The following GRAMD4 variants were observed in gnomAD, a reference collection of about 807,000 sequenced individuals.
GRAMD4 encodes the protein GRAM domain-containing protein 4.
A neutral mutation model predicts 83.9 loss-of-function variants in GRAMD4; 25 were observed. That is an observed-to-expected ratio of 0.30 (90% CI 0.22 to 0.42). The LOEUF (loss-of-function observed/expected upper bound fraction) is 0.42, where lower values mean the gene tolerates loss of function less well. Ranked by LOEUF, GRAMD4 falls within the 10% of genes least tolerant of loss-of-function variation. The pLI is 1.00. For synonymous variants in GRAMD4, 336 were observed against 320.9 expected, an observed-to-expected ratio of 1.05 and a Z score of -0.50; for missense variants, 593 against 788.7, an observed-to-expected ratio of 0.75 and a Z score of 2.97.
intron 1 of GRAMD4, among the ~76,000 whole-genome samples, chr22:46,582,424 C>G (rs151238658): frequency 2.6e-5 from 4 of 152,148 alleles, no homozygotes; most frequent in Non-Finnish European, 4.4e-5. Flanking sequence ...CCACGTCCCC[C>G]CTCCAGGGAG....
At chr22:46,644,276 G>A (rs1477835202) in intron 3 of GRAMD4, among the ~76,000 whole-genome samples, 1 of 151,872 alleles carries the variant, frequency 6.6e-6, no homozygotes, top group African/African-American at 2.4e-5. Flanking sequence ...ATCTGTCCCT[G>A]TTCCATGTTA....
chr22:46,598,129 A>C (rs1345710220), intron 1 of GRAMD4, among the ~76,000 whole-genome samples: 1 of 152,008 alleles, frequency 6.6e-6, no homozygotes, highest in African/African-American at 2.4e-5. Flanking sequence ...TTTCAGGTGC[A>C]TACCACCATG....
downstream of GRAMD4, among the ~76,000 whole-genome samples, chr22:46,680,656 A>G (rs1344821348): frequency 7.9e-6 from 1 of 126,470 alleles, no homozygotes; most frequent in Non-Finnish European, 1.7e-5. Context: ...CCATCCACCT[A>G]CCCACTCATC....
intron 14 of GRAMD4, 39 bp downstream of exon 14, chr22:46,673,036 G>C: frequency 6.6e-7 from 1 of 1,516,606 alleles, no homozygotes. Context: ...GGGGGATGGG[G>C]GGCCACGAAG....
upstream of GRAMD4, among the ~76,000 whole-genome samples, chr22:46,616,908 GTAGGTTCCCCTGTGCGTA>G (rs1193250043): frequency 4.4e-4 from 14 of 31,878 alleles, 3 homozygotes; most frequent in Non-Finnish European, 4.1e-4. Context: ...TCCCCCGTGT[GTAGGTTCCCCTGTGCGTA>G]TAGGTTCCCC....
At chr22:46,645,996 GA>G (rs1181315282) in intron 3 of GRAMD4, among the ~76,000 whole-genome samples, 1 of 152,182 alleles carries the variant, frequency 6.6e-6, no homozygotes, top group Non-Finnish European at 1.5e-5. Context: ...GATTTTGGGG[GA>G]AAGTGCTTCT....
Position 46,663,129 on chromosome 22 carries a change from G to A in GRAMD4, c.556G>A (p.Glu186Lys). Residue 186 changes from glutamate to lysine, a missense_variant, in exon 6 of 19, where the codon GAG becomes AAG. Glu to Lys is a moderately conservative substitution (Grantham distance 56). Around this residue, in one of 4 missense-constraint regions of GRAMD4, gnomAD observed 312 missense variants for 350.7 expected, o/e 0.89. Coordinates refer to ENST00000406902, the MANE Select transcript of GRAMD4 (RefSeq NM_015124.5). ...EYVEDFRFQP[E>K]ENTVETEEPL... ...CGTGGAGGACTTCCGGTTCCAGCCCGAGGAGAACACTGTGGAGACAGAGGA... is the reference window on the plus strand; with the variant it reads ...CGTGGAGGACTTCCGGTTCCAGCCCAAGGAGAACACTGTGGAGACAGAGGA... 1.9e-6 allele frequency: 3 copies of A among 1,612,518 alleles called. No individual in the cohort carries two copies. Among genetic ancestry groups the A allele is most frequent in the East Asian group, 2.2e-5 (1 of 44,856 alleles).
At chr22:46,636,821 C>T (rs563999684) in intron 2 of GRAMD4, among the ~76,000 whole-genome samples, 16 of 152,286 alleles carry the variant, frequency 1.1e-4, no homozygotes, top group African/African-American at 3.4e-4. Flanking sequence ...GTGGAACGGC[C>T]GCCTGTGCCC....
At chr22:46,610,032 A>G (rs2081402190) in intron 1 of GRAMD4, among the ~76,000 whole-genome samples, 1 of 152,136 alleles carries the variant, frequency 6.6e-6, no homozygotes, top group South Asian at 2.1e-4. Flanking sequence ...CCCCCAGGCT[A>G]CGGCCCAGGT....
chr22:46,602,926 A>G (rs2081325974), intron 1 of GRAMD4, among the ~76,000 whole-genome samples: 1 of 151,540 alleles, frequency 6.6e-6, no homozygotes, highest in African/African-American at 2.4e-5. Flanking sequence ...TATTTTTAGT[A>G]GAGATGGGGT....
intron 1 of GRAMD4, among the ~76,000 whole-genome samples, chr22:46,610,610 G>A (rs1005027898): frequency 2.6e-5 from 4 of 152,172 alleles, no homozygotes; most frequent in Admixed American, 2.0e-4. Context: ...GCAGAAACAC[G>A]TCTGGGGAAC....
chr22:46,632,744 A>G (rs1436641576), intron 2 of GRAMD4, among the ~76,000 whole-genome samples: 2 of 152,330 alleles, frequency 1.3e-5, no homozygotes, highest in East Asian at 1.9e-4. Context: ...TGGGCTGTGG[A>G]ATCCCAGGAC....
intron 1 of GRAMD4, among the ~76,000 whole-genome samples, chr22:46,609,689 C>T (rs996912541): frequency 3.9e-5 from 6 of 152,194 alleles, no homozygotes; most frequent in African/African-American, 9.7e-5. Flanking sequence ...CACTGGATTC[C>T]GCATTGTGGA....
rs964057393 is a variant in GRAMD4 at position 46,659,037 on chromosome 22, C to T, written c.404+730C>T. On this transcript the variant is annotated intron_variant, in intron 4 of 18. Transcript: ENST00000406902. The surrounding 1 kb of genome is among the most constrained non-coding windows in gnomAD (Gnocchi z 4.1). ...TTACAAAGCCAGTGCCCTCCTGTCTCGCTAACACCACGAGGCTCCGTGTCC... is the reference window on the plus strand; with the variant it reads ...TTACAAAGCCAGTGCCCTCCTGTCTTGCTAACACCACGAGGCTCCGTGTCC... Among the ~76,000 whole-genome samples the T allele has an allele frequency of 3.3e-5, 5 of 152,138 alleles. No homozygotes were observed. The highest frequency in any genetic ancestry group is 7.2e-5 in the African/African-American group (3 of 41,414).
chr22:46,648,919 G>GATGC (rs2082122772), intron 3 of GRAMD4, among the ~76,000 whole-genome samples: 5 of 138,804 alleles, frequency 3.6e-5, no homozygotes, highest in Admixed American at 7.0e-5. Flanking sequence ...TGGATGGATG[G>GATGC]ATGGATGGAT....
chr22:46,632,569 G>A (rs1429720897), intron 2 of GRAMD4, among the ~76,000 whole-genome samples: 4 of 152,184 alleles, frequency 2.6e-5, no homozygotes, highest in Non-Finnish European at 5.9e-5. Flanking sequence ...CTGTAGGTCT[G>A]AGAAGGGGTC....
chr22:46,663,065 G>T lies in GRAMD4; in HGVS notation c.492G>T (p.Ser164=), dbSNP rs752975111. Residue 164 remains serine, a synonymous_variant, in exon 6 of 19, where the codon TCG becomes TCT. Coordinates refer to ENST00000406902, the MANE Select transcript of GRAMD4 (RefSeq NM_015124.5). ...GAERRSQGLS[S]RLQKWFYERF... The stretch of plus-strand genomic sequence containing the variant: ...AGCGCCGGAGCCAGGGGCTGTCCTC[G>T]CGCCTGCAGAAGTGGTTCTACGAGC... The T allele has an allele frequency of 2.5e-6, 4 of 1,611,646 alleles. No homozygotes were observed. The highest frequency in any genetic ancestry group is 2.7e-5 in the African/African-American group (2 of 74,886).
downstream of GRAMD4, among the ~76,000 whole-genome samples, chr22:46,680,713 TC>T (rs2082662343): frequency 2.6e-5 from 3 of 117,330 alleles, no homozygotes; most frequent in Admixed American, 8.4e-5. Context: ...CATCCATCCA[TC>T]CACCCACCCA....
intron 2 of GRAMD4, among the ~76,000 whole-genome samples, chr22:46,632,255 C>T (rs1234441246): frequency 6.6e-6 from 1 of 152,120 alleles, no homozygotes; most frequent in Non-Finnish European, 1.5e-5. Flanking sequence ...GTGGCTGGTG[C>T]TGGCTGGAAG....
Sources: gnomAD v4.1 joint callset for allele counts (sites outside exome capture counted in the v4.1 genomes callset) on GRCh38, gnomAD v4.1.1 for gene constraint, gnomAD v4.1.1 regional missense constraint, Gnocchi (gnomAD v3.1) non-coding constraint, MANE v1.5 for transcripts, NCBI Gene and HGNC (gene_info 2026-07-23, HGNC 2026-07-21) for gene names.